Variants in ADGRD1 observed in about 807,000 individuals in gnomAD.
ADGRD1 encodes adhesion G protein-coupled receptor D1.
Under a neutral mutation model 113.4 loss-of-function variants are expected in ADGRD1, and 77 were observed. That is an observed-to-expected ratio of 0.68 (90% confidence interval 0.57 to 0.82). ADGRD1 has a LOEUF of 0.82. ADGRD1 is among the 40% of genes least tolerant of loss of function. The pLI is 0.00. For missense variants in ADGRD1, 1,036 were observed against 1,139.1 expected (o/e 0.91, Z 1.30); for synonymous variants, 474 against 475.0 (o/e 1.00, Z 0.03).
chr12:130,986,525 A>G (rs2926), intron 5 of ADGRD1, among the ~76,000 whole-genome samples: 13,713 of 152,238 alleles, frequency 0.09, 788 homozygotes, highest in Middle Eastern at 0.15. Context: ...ATGCTCACTC[A>G]TTAGTTTCAG....
Position 131,057,849 on chromosome 12 carries a change from C to A in ADGRD1, c.1474-18952C>A, listed in dbSNP as rs1884007266. On this transcript the variant is annotated intron_variant, in intron 13 of 24. Transcript: ENST00000261654. The surrounding 1 kb of genome is among the most constrained non-coding windows in gnomAD (Gnocchi z 4.2). ...CAGAAAATGGGTCTGCATGTCTCTG[C>A]CTTCACTGGTACCTCCCTAGTCAAG... is the stretch of plus-strand genomic sequence containing the variant. 6.6e-6 allele frequency among the ~76,000 whole-genome samples: 1 copy of A among 152,178 alleles called. No homozygotes were observed. Among genetic ancestry groups the A allele is most frequent in the Admixed American group, 6.5e-5 (1 of 15,280 alleles).
intron 18 of ADGRD1, among the ~76,000 whole-genome samples, chr12:131,111,642 C>T (rs981289716): frequency 1.3e-5 from 2 of 151,552 alleles, no homozygotes; most frequent in South Asian, 2.1e-4. Flanking sequence ...CTTCAAATTG[C>T]GTAATCTTTC....
At chr12:131,123,847 C>T (rs1950671359) in intron 20 of ADGRD1, among the ~76,000 whole-genome samples, 1 of 151,804 alleles carries the variant, frequency 6.6e-6, no homozygotes, top group African/African-American at 2.4e-5. Flanking sequence ...AAAAAGGTTC[C>T]AGGTTCAAGT....
In ADGRD1 at chr12:131,103,714, C is replaced by T. The variant is rs1247119648; in HGVS notation, c.1672-1117C>T. ...GGAGAAGGCATTTAGACTCCCCCTA[C>T]CCGCATGCCACAGGAGGAAGCTGGA... is the stretch of plus-strand genomic sequence containing the variant. On this transcript the variant is annotated intron_variant, in intron 15 of 24. Coordinates refer to ENST00000261654, the MANE Select transcript of ADGRD1 (RefSeq NM_198827.5). 2.6e-5 allele frequency among the ~76,000 whole-genome samples: 4 copies of T among 152,334 alleles called. No homozygotes were observed. The East Asian group carries it at 7.7e-4, about 29-fold the overall frequency.
At chr12:130,980,109 CTT>C (rs1294294152) in intron 4 of ADGRD1, among the ~76,000 whole-genome samples, 6 of 144,770 alleles carry the variant, frequency 4.1e-5, no homozygotes, top group Non-Finnish European at 3.1e-5. Context: ...TGCGGTTCCT[CTT>C]TTTTTTTTTT....
chr12:131,055,067 C>T (rs1443241325), intron 13 of ADGRD1, among the ~76,000 whole-genome samples: 2 of 152,114 alleles, frequency 1.3e-5, no homozygotes, highest in South Asian at 2.1e-4. Flanking sequence ...TTGAACTTGG[C>T]CATATCTTTT....
intron 5 of ADGRD1, among the ~76,000 whole-genome samples, chr12:130,985,559 G>GC (rs1555238397): frequency 6.7e-6 from 1 of 150,092 alleles, no homozygotes; most frequent in Non-Finnish European, 1.5e-5. Context: ...TTTTTTTTTT[G>GC]TTTTTTTTGA....
chr12:130,980,466 C>T (rs562924915), intron 4 of ADGRD1, among the ~76,000 whole-genome samples: 2 of 151,148 alleles, frequency 1.3e-5, no homozygotes, highest in Admixed American at 6.6e-5. Flanking sequence ...GGCGTGGTCT[C>T]GGCTCACTGC....
chr12:131,120,115 GC>G (rs1950557647), intron 19 of ADGRD1, among the ~76,000 whole-genome samples: 1 of 152,182 alleles, frequency 6.6e-6, no homozygotes, highest in African/African-American at 2.4e-5. Context: ...AAATAAGCCA[GC>G]CCCGGGGAGA....
intron 15 of ADGRD1, among the ~76,000 whole-genome samples, chr12:131,097,513 C>T (rs1404024217): frequency 6.6e-6 from 1 of 152,252 alleles, no homozygotes; most frequent in Non-Finnish European, 1.5e-5. Context: ...CTGGACCCAG[C>T]CCGGGGGAGG....
chr12:131,097,780 G>T (rs1332804810), intron 15 of ADGRD1, among the ~76,000 whole-genome samples: 1 of 152,244 alleles, frequency 6.6e-6, no homozygotes, highest in Non-Finnish European at 1.5e-5. Context: ...GGCGTCAAAG[G>T]TTGGGGAGCA....
At chr12:131,038,001 G>A (rs1326288593) in intron 13 of ADGRD1, among the ~76,000 whole-genome samples, 1 of 149,938 alleles carries the variant, frequency 6.7e-6, no homozygotes, top group Non-Finnish European at 1.5e-5. Context: ...ACTGCACTGG[G>A]GTCTCACTCA....
At chr12:131,137,122 C>A in intron 23 of ADGRD1, 108 bp downstream of exon 23, 1 of 925,998 alleles carries the variant, frequency 1.1e-6, no homozygotes, top group Non-Finnish European at 1.8e-6. Flanking sequence ...GTCTGGGACT[C>A]AAATCCTGAG....
chr12:131,122,103 T>TGCGCGTCCTGGCC (rs1950611292), intron 20 of ADGRD1: 1 of 152,412 alleles, frequency 6.6e-6, no homozygotes, highest in Non-Finnish European at 1.5e-5. Context: ...GGGCCCGGGC[T>TGCGCGTCCTGGCC]GCGCGTCCTG....
Position 131,057,642 on chromosome 12 carries a change from G to A in ADGRD1, c.1474-19159G>A, listed in dbSNP as rs530176072. On this transcript the variant is annotated intron_variant, in intron 13 of 24. Transcript: ENST00000261654. The surrounding 1 kb of genome is among the most constrained non-coding windows in gnomAD (Gnocchi z 4.2). ...GTCATTGTCCTTTCCCGCAGTGTAC[G>A]AGGACACTCAGATGGGACTGAGGGC... is the stretch of plus-strand genomic sequence containing the variant. Among the ~76,000 whole-genome samples, 100 of 152,270 alleles carry A rather than the reference G, an allele frequency of 6.6e-4. 1 individual carries two copies. The highest frequency in any genetic ancestry group is 2.2e-3 in the African/African-American group (92 of 41,560).
chr12:131,056,834 G>A (rs768337011), intron 13 of ADGRD1, among the ~76,000 whole-genome samples: 4 of 152,156 alleles, frequency 2.6e-5, no homozygotes, highest in Non-Finnish European at 5.9e-5. Flanking sequence ...CAAAGCACAC[G>A]CTTCTGGATG....
intron 15 of ADGRD1, among the ~76,000 whole-genome samples, chr12:131,103,450 C>T (rs528410362): frequency 2.0e-5 from 3 of 152,258 alleles, no homozygotes; most frequent in Non-Finnish European, 2.9e-5. Context: ...GAATCTAGCA[C>T]GTCTGTAGCC....
chr12:131,105,034 G>GT (rs1950199445), intron 16 of ADGRD1, 100 bp downstream of exon 16: 1 of 828,722 alleles, frequency 1.2e-6, no homozygotes, highest in East Asian at 2.8e-5. Context: ...GGCTGTGGAG[G>GT]TAAGAGCACC....
At chr12:130,986,871 C>T in intron 5 of ADGRD1, 2 of 542,416 alleles carry the variant, frequency 3.7e-6, no homozygotes, top group East Asian at 3.0e-5. Flanking sequence ...TCTCCTTGAA[C>T]TGCTTCTGGA....
Sources: gnomAD v4.1 joint callset for allele counts (sites outside exome capture counted in the v4.1 genomes callset) on GRCh38, gnomAD v4.1.1 for gene constraint, Gnocchi (gnomAD v3.1) non-coding constraint, MANE v1.5 for transcripts, NCBI Gene and HGNC (gene_info 2026-07-23, HGNC 2026-07-21) for gene names.